Variants in MEGF8 observed in about 807,000 individuals in gnomAD.
The protein encoded by MEGF8 is multiple epidermal growth factor-like domains protein 8.
In MEGF8, 156 loss-of-function variants were observed where a neutral mutation model predicts 302.9. The observed-to-expected ratio is 0.52, with a 90% CI of 0.45 to 0.59. The LOEUF (loss-of-function observed/expected upper bound fraction) is 0.59, where lower values mean the gene tolerates loss of function less well. MEGF8 is among the 20% of genes least tolerant of loss of function. MEGF8 has a pLI of 0.00. For synonymous variants in MEGF8, 1,621 were observed against 1,660.5 expected (o/e 0.98, Z 0.58); for missense variants, 3,345 against 3,964.5 (o/e 0.84, Z 4.20).
In MEGF8 at chr19:42,351,440, G is replaced by T; in HGVS notation, c.2867G>T (p.Cys956Phe). 1 of 1,596,802 alleles carries T rather than the reference G, an allele frequency of 6.3e-7. No individual in the cohort carries two copies. Among genetic ancestry groups the T allele is most frequent in the South Asian group, 1.1e-5 (1 of 88,434 alleles). ...GCTCCCCACCCCAGGCGACTGACCT[G>T]TGAGGACTGCCTGGCCAACTCTAGC... ...CPPLCSQRLT[C>F]EDCLANSSQC... The change falls in exon 17 of 42, where the codon TGT (cysteine) becomes TTT (phenylalanine). Residue 956 changes from cysteine to phenylalanine, a missense_variant. Physicochemically the swap from Cys to Phe is radical, Grantham distance 205. Coordinates refer to ENST00000251268, the MANE Select transcript of MEGF8 (RefSeq NM_001271938.2). The surrounding 1 kb of genome is among the most constrained non-coding windows in gnomAD (Gnocchi z 5.6).
intron 35 of MEGF8, among the ~76,000 whole-genome samples, chr19:42,364,303 C>A (rs766351945): frequency 1.3e-5 from 2 of 151,662 alleles, no homozygotes; most frequent in Non-Finnish European, 2.9e-5. Flanking sequence ...CACCCCACTG[C>A]CCCCCCGTGG....
chr19:42,353,048 C>T lies in MEGF8; in HGVS notation c.3471C>T (p.Pro1157=), dbSNP rs1420551388. The change falls in exon 20 of 42, where the codon CCC becomes CCT. Residue 1157 remains proline (P), a synonymous_variant. Coordinates refer to ENST00000251268, the MANE Select transcript of MEGF8 (RefSeq NM_001271938.2). The surrounding 1 kb of genome is among the most constrained non-coding windows in gnomAD (Gnocchi z 6.1). Reference sequence around the variant, plus strand: ...CACCCGCCCCGGGTCCGCCAGCCCCCCGCTGCTCCCGGGACTGTGGCTGCA... The same window carrying T: ...CACCCGCCCCGGGTCCGCCAGCCCCTCGCTGCTCCCGGGACTGTGGCTGCA... ...PPTPAPGPPA[P]RCSRDCGCSF... 1 of 1,552,514 alleles carries T rather than the reference C, an allele frequency of 6.4e-7. No individual in the cohort carries two copies. The highest frequency in any genetic ancestry group is 1.8e-4 in the Middle Eastern group (1 of 5,700).
intron 30 of MEGF8, 31 bp from the exon 31 acceptor site, chr19:42,359,067 C>T (rs1360050237): frequency 1.1e-5 from 16 of 1,518,784 alleles, no homozygotes; most frequent in African/African-American, 1.4e-5. Context: ...GACAGGCTGT[C>T]CTGTCCCCCC....
chr19:42,352,917 C>G lies in MEGF8; in HGVS notation c.3351-11C>G. 6.3e-7 allele frequency: 1 copy of G among 1,578,040 alleles called. No homozygotes were observed. Among genetic ancestry groups the G allele is most frequent in the Non-Finnish European group, 8.6e-7 (1 of 1,162,252 alleles). Reference sequence around the variant, plus strand: ...CCTGGCGCTTTCCCCACCCCCAACACGGCCCCTCAGGTGCTTGGAGGACTG... The same window carrying G: ...CCTGGCGCTTTCCCCACCCCCAACAGGGCCCCTCAGGTGCTTGGAGGACTG... On this transcript the variant is annotated splice_polypyrimidine_tract_variant and intron_variant, in intron 19 of 41. Coordinates refer to ENST00000251268, the MANE Select transcript of MEGF8 (RefSeq NM_001271938.2). This position sits in a 1 kb window ranked among gnomAD's most constrained non-coding sequence, Gnocchi z 4.4.
Position 42,375,155 on chromosome 19 carries a change from C to G in MEGF8, c.7270-352C>G, listed in dbSNP as rs2039747584. ...TGGGTTAAGTCTGTGTGCTCAGGCT[C>G]AGTGAGGTTAAGTCACTAGTCCAAG... On this transcript the variant is annotated intron_variant, in intron 41 of 41. Coordinates refer to ENST00000251268, the MANE Select transcript of MEGF8 (RefSeq NM_001271938.2). The surrounding 1 kb of genome is among the most constrained non-coding windows in gnomAD (Gnocchi z 7.1). 6.6e-6 allele frequency among the ~76,000 whole-genome samples: 1 copy of G among 152,202 alleles called. No individual in the cohort carries two copies. The highest frequency in any genetic ancestry group is 2.4e-5 in the African/African-American group (1 of 41,446).
At chr19:42,335,781 TTC>T in intron 5 of MEGF8, 148 bp from the exon 6 acceptor site, 1 of 727,308 alleles carries the variant, frequency 1.4e-6, no homozygotes, top group East Asian at 2.8e-5. Context: ...GTCTCTTCTT[TTC>T]TCTCTCTGCC....
In MEGF8 at chr19:42,378,727, G is replaced by A. The variant is rs2039800921; in HGVS notation, c.*1952G>A. ...GGTGGGGACCACATCAGAAGAAGAG[G>A]GGGGTGATGAAATTAACAAATAAAA... On this transcript the variant is annotated 3_prime_UTR_variant, in exon 42 of 42. Coordinates refer to ENST00000251268, the MANE Select transcript of MEGF8 (RefSeq NM_001271938.2). The A allele has an allele frequency of 6.5e-6, 1 of 153,742 alleles. No homozygotes were observed. Among genetic ancestry groups the A allele is most frequent in the Admixed American group, 6.5e-5 (1 of 15,274 alleles). The allele number at this position is 153,742 out of a possible 1,614,324, so 9.5% of individuals were successfully genotyped here.
chr19:42,351,256 G>T lies in MEGF8; in HGVS notation c.2777G>T (p.Gly926Val). Reference sequence around the variant, plus strand: ...TGGCATCAGAGCACCAGCCGCAAAGGGGACGCGGCATGCAGCCGGCGGGGC... The same window carrying T: ...TGGCATCAGAGCACCAGCCGCAAAGTGGACGCGGCATGCAGCCGGCGGGGC... ...CEWHQSTSRKGDAACSRRGRG... is the reference protein window; with the variant it reads ...CEWHQSTSRKVDAACSRRGRG... The change falls in exon 16 of 42, where the codon GGG becomes GTG. Residue 926 changes from glycine (G) to valine (V), a missense_variant. By Grantham distance (109) the Gly-to-Val change is moderately radical. Coordinates refer to ENST00000251268, the MANE Select transcript of MEGF8 (RefSeq NM_001271938.2). This position sits in a 1 kb window ranked among gnomAD's most constrained non-coding sequence, Gnocchi z 5.6. 6.4e-7 allele frequency: 1 copy of T among 1,572,102 alleles called. No individual in the cohort carries two copies.
At chr19:42,350,626 C>G (rs1420348032) in intron 15 of MEGF8, among the ~76,000 whole-genome samples, 1 of 152,204 alleles carries the variant, frequency 6.6e-6, no homozygotes, top group Non-Finnish European at 1.5e-5. Context: ...CGGGGAGTTT[C>G]TCAGCATAGG....
chr19:42,371,753 C>A (rs1345603650), intron 41 of MEGF8, among the ~76,000 whole-genome samples: 2 of 152,086 alleles, frequency 1.3e-5, no homozygotes, highest in African/African-American at 4.8e-5. Context: ...AAAGGTGGCA[C>A]ATGCCAGAAA....
chr19:42,363,472 T>C (rs1454595225), intron 35 of MEGF8, among the ~76,000 whole-genome samples: 1 of 152,244 alleles, frequency 6.6e-6, no homozygotes, highest in African/African-American at 2.4e-5. Flanking sequence ...CCAGCCATGC[T>C]TCTGTGTGTG....
intron 8 of MEGF8, among the ~76,000 whole-genome samples, chr19:42,342,845 GA>G (rs2039233693): frequency 6.6e-6 from 1 of 152,128 alleles, no homozygotes; most frequent in Admixed American, 6.6e-5. Context: ...AGAAAGAAGG[GA>G]GTGTCTTTGC....
At chr19:42,348,170 TA>T in intron 12 of MEGF8, 101 bp from the exon 13 acceptor site, 1 of 1,108,392 alleles carries the variant, frequency 9.0e-7, no homozygotes, top group Non-Finnish European at 1.2e-6. Flanking sequence ...TCTCATTTGG[TA>T]AAATGGGGAA....
At chr19:42,341,622 T>A (rs541610767) in intron 8 of MEGF8, among the ~76,000 whole-genome samples, 2 of 152,178 alleles carry the variant, frequency 1.3e-5, no homozygotes, top group Admixed American at 1.3e-4. Flanking sequence ...AATATTTTTG[T>A]TTTTTAGAGA....
rs1252457727 is a variant in MEGF8 at position 42,326,440 on chromosome 19, G to A, written c.187+10G>A. 1.3e-6 allele frequency: 2 copies of A among 1,526,432 alleles called. No individual in the cohort carries two copies. Among genetic ancestry groups the A allele is most frequent in the Non-Finnish European group, 1.7e-6 (2 of 1,143,438 alleles). The allele number at this position is 1,526,432 out of a possible 1,614,324, so 94.6% of individuals were successfully genotyped here. ...GAGTGGCTCATCGAGGGTGAGTGGG[G>A]CCGCGTGGGTCACTCACTAATTCGC... On this transcript the variant is annotated intron_variant, in intron 1 of 41. Coordinates refer to ENST00000251268, the MANE Select transcript of MEGF8 (RefSeq NM_001271938.2).
chr19:42,364,450 A>G (rs1427779516), intron 35 of MEGF8, among the ~76,000 whole-genome samples: 2 of 152,170 alleles, frequency 1.3e-5, no homozygotes, highest in African/African-American at 2.4e-5. Flanking sequence ...CCCATGAACT[A>G]AGTGATCAGT....
At position 42,357,463 on chromosome 19, in the gene MEGF8, C is replaced by A. The variant is rs148341236; in HGVS notation, c.4890C>A (p.Gly1630=). The change falls in exon 28 of 42, where the codon GGC becomes GGA. Residue 1630 remains glycine, a synonymous_variant. Coordinates refer to ENST00000251268, the MANE Select transcript of MEGF8 (RefSeq NM_001271938.2). The surrounding 1 kb of genome is among the most constrained non-coding windows in gnomAD (Gnocchi z 5.2). ...VAGHTLTARR[G]LSLLLVGGYS... is the part of the protein sequence containing the mutation. ...GTCACACCCTTACTGCCCGCCGAGG[C>A]CTGTCTCTGCTCCTGGTGGGCGGTT... The A allele has an allele frequency of 4.3e-6, 7 of 1,613,692 alleles. No homozygotes were observed. In the South Asian group the frequency reaches 7.7e-5, roughly 18 times the overall value.
At position 42,357,019 on chromosome 19, in the gene MEGF8, A is replaced by G. The variant is rs901054445; in HGVS notation, c.4830+38A>G. On this transcript the variant is annotated intron_variant, in intron 27 of 41. Transcript: ENST00000251268. The surrounding 1 kb of genome is among the most constrained non-coding windows in gnomAD (Gnocchi z 5.2). ...CCCCAGCCCACTCCCCAGCCCTCAC[A>G]CTGGGCCCTGACAGAGACAGCTGTG... The G allele has an allele frequency of 2.0e-6, 3 of 1,521,488 alleles. No individual in the cohort carries two copies. The highest frequency in any genetic ancestry group is 3.9e-5 in the Admixed American group (2 of 50,710). The allele number at this position is 1,521,488 out of a possible 1,614,324, so 94.2% of individuals were successfully genotyped here. A position where few individuals can be genotyped will look rare whatever the true frequency, so the allele number is the denominator to read the frequency against.
rs1230998493 is a variant in MEGF8, at chr19:42,368,849, CAT to C, written c.6489_6490del (p.Cys2164TrpfsTer15). The C allele has an allele frequency of 5.6e-6, 9 of 1,613,430 alleles. No individual in the cohort carries two copies. The highest frequency in any genetic ancestry group is 1.1e-5 in the South Asian group (1 of 91,060). On this transcript the variant is annotated frameshift_variant, in exon 37 of 42. Coordinates refer to ENST00000251268, the MANE Select transcript of MEGF8 (RefSeq NM_001271938.2). LOFTEE classifies it high-confidence loss of function. The surrounding 1 kb of genome is among the most constrained non-coding windows in gnomAD (Gnocchi z 4.9). ...GCTATATCCCCGGTGCTAGGGCTGA[CAT>C]GTGGGCGTCCGGGGGCCTCCTGGGC...
Sources: allele counts gnomAD v4.1 joint callset (sites outside exome capture counted in the v4.1 genomes callset), GRCh38; gene constraint gnomAD v4.1.1; non-coding constraint Gnocchi (gnomAD v3.1); transcripts MANE v1.5; gene names NCBI Gene and HGNC (gene_info 2026-07-23, HGNC 2026-07-21).